The following CDYL variants were observed in gnomAD, a reference collection of about 807,000 sequenced individuals.
CDYL encodes the protein chromodomain Y-like protein.
CDYL carries 8 observed loss-of-function variants against 47.3 expected under a neutral mutation model. The ratio of observed to expected loss-of-function variants is 0.17; its 90% CI spans 0.10 to 0.31. The LOEUF (loss-of-function observed/expected upper bound fraction) is 0.31. Among genes scored for constraint, CDYL ranks in the 10% least tolerant of loss-of-function variants. The pLI is 1.00. For missense variants in CDYL, 471 were observed against 701.4 expected, an observed-to-expected ratio of 0.67 and a Z score of 3.71; for synonymous variants, 266 against 265.0, an observed-to-expected ratio of 1.00 and a Z score of -0.04.
chr6:4,830,105 T>G (rs1760093463), intron 1 of CDYL, among the ~76,000 whole-genome samples: 1 of 152,250 alleles, frequency 6.6e-6, no homozygotes, highest in African/African-American at 2.4e-5. Context: ...TCTGTACATC[T>G]GAATGGTTGT....
intron 2 of CDYL, among the ~76,000 whole-genome samples, chr6:4,731,054 T>A (rs1322587263): frequency 6.6e-6 from 1 of 152,230 alleles, no homozygotes; most frequent in Non-Finnish European, 1.5e-5. Flanking sequence ...CAGGTATTCC[T>A]TTGCTCATTC....
chr6:4,841,986 AATT>A (rs932786845), intron 1 of CDYL, among the ~76,000 whole-genome samples: 7 of 145,616 alleles, frequency 4.8e-5, no homozygotes, highest in Non-Finnish European at 1.1e-4. Flanking sequence ...ATTAATAATA[AATT>A]ATTAATATAA....
chr6:4,935,410 A>C (rs1758159837), intron 2 of CDYL, 105 bp from the exon 3 acceptor site: 1 of 986,152 alleles, frequency 1.0e-6, no homozygotes. Flanking sequence ...ATATTCGTTT[A>C]ATCCTAAGTG....
In CDYL at chr6:4,819,510, C is replaced by T. The variant is rs1412713944; in HGVS notation, c.24+42703C>T. On this transcript the variant is annotated intron_variant, in intron 1 of 6. Transcript: ENST00000397588. ...ACAACCTTCATGTATTGGGAACTTG[C>T]TGTTTTTGGGGTCCAGCTCATTGCT... Among the ~76,000 whole-genome samples the T allele has an allele frequency of 2.0e-5, 3 of 152,060 alleles. No individual in the cohort carries two copies. The East Asian group carries it at 5.8e-4, about 29-fold the overall frequency.
intron 2 of CDYL, among the ~76,000 whole-genome samples, chr6:4,733,422 TAAA>T (rs5873946): frequency 7.9e-5 from 11 of 138,868 alleles, no homozygotes; most frequent in Non-Finnish European, 1.3e-4. Context: ...TCAGATAAAG[TAAA>T]AAAAAAAAAA....
chr6:4,722,807 G>A (rs1475132791), intron 2 of CDYL, among the ~76,000 whole-genome samples: 1 of 152,194 alleles, frequency 6.6e-6, no homozygotes, highest in African/African-American at 2.4e-5. Context: ...AACCCAGGGG[G>A]CAGAGGTTGC....
intron 1 of CDYL, among the ~76,000 whole-genome samples, chr6:4,864,371 A>G (rs1484785906): frequency 2.0e-5 from 3 of 152,238 alleles, no homozygotes; most frequent in Non-Finnish European, 4.4e-5. Flanking sequence ...TGATTTTGAT[A>G]AAATTGGGAA....
intron 1 of CDYL, among the ~76,000 whole-genome samples, chr6:4,780,295 T>G (rs951986367): frequency 6.6e-6 from 1 of 151,124 alleles, no homozygotes; most frequent in Non-Finnish European, 1.5e-5. Context: ...AGTGGCTTCA[T>G]GTTGTCAGCT....
intron 3 of CDYL, among the ~76,000 whole-genome samples, chr6:4,769,954 G>A (rs7747102): frequency 0.21 from 31,338 of 150,226 alleles, 5,123 homozygotes; most frequent in African/African-American, 0.45. Context: ...CCGCCACCAC[G>A]CCCGGCTAAT....
chr6:4,938,343 C>T (rs1279152061), intron 4 of CDYL, among the ~76,000 whole-genome samples: 2 of 152,034 alleles, frequency 1.3e-5, no homozygotes, highest in Non-Finnish European at 2.9e-5. Context: ...AGCAGAAGTC[C>T]TCCTTGTCCC....
At chr6:4,850,045 A>G (rs1206042802) in intron 1 of CDYL, among the ~76,000 whole-genome samples, 1 of 152,188 alleles carries the variant, frequency 6.6e-6, no homozygotes, top group Non-Finnish European at 1.5e-5. Context: ...ATTGGCAAAA[A>G]TATAATACAT....
At chr6:4,895,119 A>G (rs1048249461) in intron 2 of CDYL, among the ~76,000 whole-genome samples, 5 of 144,730 alleles carry the variant, frequency 3.5e-5, no homozygotes, top group Middle Eastern at 3.6e-3. Flanking sequence ...ATCTATATGC[A>G]TATATATGTG....
chr6:4,717,703 CAAAAAAAA>C (rs200835710), intron 2 of CDYL, among the ~76,000 whole-genome samples: 60 of 49,340 alleles, frequency 1.2e-3, no homozygotes, highest in African/African-American at 5.1e-3. Context: ...AAGACCCTCA[CAAAAAAAA>C]AAAAAAAAAA....
intron 1 of CDYL, among the ~76,000 whole-genome samples, chr6:4,808,204 C>T (rs1759428100): frequency 1.3e-5 from 2 of 152,260 alleles, no homozygotes; most frequent in South Asian, 4.2e-4. Context: ...TGCTTGTTGC[C>T]GTTGCCTCTC....
intron 5 of CDYL, among the ~76,000 whole-genome samples, chr6:4,948,826 C>T (rs1758610300): frequency 6.6e-6 from 1 of 152,232 alleles, no homozygotes; most frequent in Admixed American, 6.5e-5. Flanking sequence ...CTGACGAAGC[C>T]TCTCTACAGA....
chr6:4,815,095 A>AG (rs1381547004), intron 1 of CDYL, among the ~76,000 whole-genome samples: 1 of 108,882 alleles, frequency 9.2e-6, no homozygotes, highest in Non-Finnish European at 2.2e-5. Context: ...CTTGAGCTTT[A>AG]ATAGTACATG....
chr6:4,784,346 T>C (rs1381533590), intron 1 of CDYL, among the ~76,000 whole-genome samples: 2 of 152,234 alleles, frequency 1.3e-5, no homozygotes, highest in Non-Finnish European at 2.9e-5. Flanking sequence ...ATGAGAGTTA[T>C]ATTTTATTAA....
intron 1 of CDYL, among the ~76,000 whole-genome samples, chr6:4,781,207 AGGTC>A (rs1758610155): frequency 6.6e-6 from 1 of 152,198 alleles, no homozygotes; most frequent in African/African-American, 2.4e-5. Context: ...AGGGGAAGGT[AGGTC>A]TTTTGAATCT....
chr6:4,722,294 T>A lies in CDYL; in HGVS notation c.103+6413T>A, dbSNP rs1433750131. Among the ~76,000 whole-genome samples the A allele has an allele frequency of 5.9e-5, 9 of 151,898 alleles. 1 individual carries two copies. The South Asian group carries it at 1.5e-3, about 25-fold the overall frequency. On this transcript the variant is annotated intron_variant, in intron 2 of 8. Transcript: ENST00000328908. ...CTGGGCAACACAGCAGGACCCCATC[T>A]CAACAAAAAAATTAAGCACTTTGGG...
Sources: allele counts gnomAD v4.1 joint callset (sites outside exome capture counted in the v4.1 genomes callset), GRCh38; gene constraint gnomAD v4.1.1; transcripts MANE v1.5; gene names NCBI Gene and HGNC (gene_info 2026-07-23, HGNC 2026-07-21).